Variants in NAF1 observed in about 807,000 individuals in gnomAD.
NAF1 encodes the protein nuclear assembly factor 1 ribonucleoprotein.
A neutral mutation model predicts 40.6 loss-of-function variants in NAF1; 11 were observed. The observed-to-expected ratio is 0.27, with a 90% CI of 0.17 to 0.45. NAF1 has a LOEUF of 0.45. Among genes scored for constraint, NAF1 ranks in the 20% least tolerant of loss-of-function variants. NAF1 has a pLI of 1.00. For missense variants in NAF1, 607 were observed against 611.1 expected (o/e 0.99, Z 0.07); for synonymous variants, 260 against 228.5 (o/e 1.14, Z -1.24).
intron 2 of NAF1, among the ~76,000 whole-genome samples, chr4:163,112,775 A>G (rs1730202699): frequency 6.6e-6 from 1 of 152,226 alleles, no homozygotes; most frequent in Non-Finnish European, 1.5e-5. Context: ...TCTCAGTACA[A>G]AGAGGAAAAC....
rs147740000 is a variant in NAF1 at position 163,110,351 on chromosome 4, G to A, written c.115-61C>T. ...AGAGAAAGAATACATTCACATAACT[G>A]TTACTACAAAATATTGTTATAATTG... On this transcript the variant is annotated intron_variant, in intron 2 of 2. Coordinates refer to the NAF1 transcript ENST00000509434. 4.1e-5 allele frequency: 28 copies of A among 686,172 alleles called. No homozygotes were observed. The African/African-American group carries it at 4.2e-4, about 10-fold the overall frequency. The allele number at this position is 686,172 out of a possible 1,614,324, so 42.5% of individuals were successfully genotyped here. A position where few individuals can be genotyped will look rare whatever the true frequency, so the allele number is the denominator to read the frequency against.
rs765249765 is a variant in NAF1 at position 163,166,479 on chromosome 4, T to C, written c.249A>G (p.Pro83=). The C allele has an allele frequency of 7.5e-6, 12 of 1,601,864 alleles. No individual in the cohort carries two copies. In the African/African-American group the frequency reaches 1.6e-4, roughly 21 times the overall value. ...AGGCCGGCGATTCAGCCGGTGGCTG[T>C]GGCTGCGGCGCCGGGGTCCCGGCCG... The part of the protein sequence containing the change: ...AVAAGTPAPQ[P]QPPAESPACG... Residue 83 remains proline, a synonymous_variant, in exon 1 of 8, where the codon CCA becomes CCG. Coordinates refer to ENST00000274054, the MANE Select transcript of NAF1 (RefSeq NM_138386.3).
chr4:163,119,694 G>A (rs1019970235), intron 2 of NAF1: 12 of 152,064 alleles, frequency 7.9e-5, no homozygotes, highest in Non-Finnish European at 1.5e-5. Context: ...GGTACAGGGT[G>A]ATATTCTATG....
chr4:163,153,452 G>C (rs1240631649), intron 2 of NAF1, among the ~76,000 whole-genome samples: 1 of 152,098 alleles, frequency 6.6e-6, no homozygotes, highest in African/African-American at 2.4e-5. Flanking sequence ...GTGGGGCCTT[G>C]GAGAACCTTT....
At chr4:163,147,994 A>C (rs555654304) in intron 3 of NAF1, among the ~76,000 whole-genome samples, 6 of 152,168 alleles carry the variant, frequency 3.9e-5, no homozygotes, top group Non-Finnish European at 7.4e-5. Context: ...CTTTGATTTT[A>C]AGCCCACTGA....
At chr4:163,110,979 C>T (rs7683554) in intron 2 of NAF1, among the ~76,000 whole-genome samples, 39,720 of 151,924 alleles carry the variant, frequency 0.26, 5,587 homozygotes, top group African/African-American at 0.37. Context: ...TATTAAACAC[C>T]GGAAACATTT....
At chr4:163,112,352 T>C (rs1730187524) in intron 2 of NAF1, among the ~76,000 whole-genome samples, 2 of 152,174 alleles carry the variant, frequency 1.3e-5, no homozygotes, top group Non-Finnish European at 2.9e-5. Flanking sequence ...CTGAATGTAT[T>C]TGAGCTATCA....
intron 1 of NAF1, among the ~76,000 whole-genome samples, chr4:163,166,143 A>G (rs1211750928): frequency 6.6e-6 from 1 of 152,334 alleles, no homozygotes; most frequent in East Asian, 1.9e-4. Context: ...AATTTAGGAA[A>G]TAAGTCAGTA....
At chr4:163,109,061 G>A (rs1003688744), downstream of NAF1, among the ~76,000 whole-genome samples, 1 of 151,624 alleles carries the variant, frequency 6.6e-6, no homozygotes, top group Non-Finnish European at 1.5e-5. Context: ...CTTTCTGACT[G>A]TACTTATCAT....
downstream of NAF1, among the ~76,000 whole-genome samples, chr4:163,109,422 A>G (rs186796748): frequency 8.0e-4 from 122 of 152,176 alleles, 1 homozygote; most frequent in African/African-American, 2.7e-3. Context: ...ATTAGCCTAC[A>G]ATTGTTATTT....
intron 2 of NAF1, among the ~76,000 whole-genome samples, chr4:163,112,313 G>C (rs576700594): frequency 7.9e-4 from 121 of 152,212 alleles, no homozygotes; most frequent in Non-Finnish European, 1.5e-3. Flanking sequence ...GAAAAAAGTA[G>C]GTTGGTAGGT....
At chr4:163,116,040 CATTCA>C (rs1342297658) in intron 2 of NAF1, among the ~76,000 whole-genome samples, 9 of 152,292 alleles carry the variant, frequency 5.9e-5, no homozygotes, top group East Asian at 5.8e-4. Flanking sequence ...GCAACAGATG[CATTCA>C]ATTCAACAGA....
chr4:163,163,304 G>C (rs1201572663), intron 2 of NAF1, among the ~76,000 whole-genome samples: 1 of 152,078 alleles, frequency 6.6e-6, no homozygotes, highest in Non-Finnish European at 1.5e-5. Context: ...TATGAGTAGA[G>C]AAAAAGAGAA....
At chr4:163,127,037 A>G (rs1318728305), downstream of NAF1, 6 of 1,551,722 alleles carry the variant, frequency 3.9e-6, no homozygotes, top group Non-Finnish European at 5.2e-6. Context: ...ATGCATTTGG[A>G]AACCAAAAAG....
chr4:163,152,366 G>C (rs1731745451), intron 2 of NAF1, among the ~76,000 whole-genome samples: 1 of 152,176 alleles, frequency 6.6e-6, no homozygotes, highest in African/African-American at 2.4e-5. Context: ...CTGATGTTCT[G>C]CTCTAAAGAG....
At chr4:163,163,498 A>G (rs970205453) in intron 2 of NAF1, among the ~76,000 whole-genome samples, 8 of 152,128 alleles carry the variant, frequency 5.3e-5, no homozygotes, top group Admixed American at 3.3e-4. Flanking sequence ...GGGGTAGAAA[A>G]AAAACAATGT....
intron 2 of NAF1, chr4:163,158,280 A>G (rs1281761201): frequency 6.6e-6 from 1 of 152,138 alleles, no homozygotes; most frequent in Non-Finnish European, 1.5e-5. Context: ...GTAGGATCCA[A>G]TCCCTGGAGT....
Position 163,166,406 on chromosome 4 carries a change from G to A in NAF1, c.322C>T (p.Pro108Ser). 1 of 1,607,626 alleles carries A rather than the reference G, an allele frequency of 6.2e-7. No individual in the cohort carries two copies. Among genetic ancestry groups the A allele is most frequent in the Non-Finnish European group, 8.5e-7 (1 of 1,176,640 alleles). Residue 108 changes from proline to serine, a missense_variant, in exon 1 of 8, where the codon CCG (proline) becomes TCG (serine). Physicochemically the swap from Pro to Ser is moderately conservative, Grantham distance 74. Coordinates refer to ENST00000274054, the MANE Select transcript of NAF1 (RefSeq NM_138386.3). ...SPGAAEPARA[P>S]DSLETSDSDS... Reference sequence around the variant, plus strand: ...GAGTCCGAGGTCTCCAAGGAGTCCGGCGCCCGCGCAGGCTCTGCGGCTCCT... The same window carrying A: ...GAGTCCGAGGTCTCCAAGGAGTCCGACGCCCGCGCAGGCTCTGCGGCTCCT...
chr4:163,152,670 G>A (rs776819218), intron 2 of NAF1, among the ~76,000 whole-genome samples: 3 of 152,248 alleles, frequency 2.0e-5, no homozygotes, highest in Admixed American at 1.3e-4. Flanking sequence ...CTACTGAGAG[G>A]TGACAGCGTG....
Sources: gnomAD v4.1 joint callset for allele counts (sites outside exome capture counted in the v4.1 genomes callset) on GRCh38, gnomAD v4.1.1 for gene constraint, MANE v1.5 for transcripts, NCBI Gene and HGNC (gene_info 2026-07-23, HGNC 2026-07-21) for gene names.